The following MNAT1 variants were observed in gnomAD, a reference collection of about 807,000 sequenced individuals.
MNAT1 encodes MNAT1 component of CDK activating kinase.
In MNAT1, 43 loss-of-function variants were observed where a neutral mutation model predicts 42.0. The ratio of observed to expected loss-of-function variants is 1.02; its 90% CI spans 0.80 to 1.32. The LOEUF (loss-of-function observed/expected upper bound fraction) is 1.32, where lower values mean the gene tolerates loss of function less well. Ranked by LOEUF, MNAT1 falls within the 40% of genes most tolerant of loss-of-function variation. The pLI, the probability that MNAT1 is intolerant of heterozygous loss-of-function variation, is 0.00. For synonymous variants in MNAT1, 118 were observed against 120.0 expected, an observed-to-expected ratio of 0.98 and a Z score of 0.11; for missense variants, 306 against 350.4, an observed-to-expected ratio of 0.87 and a Z score of 1.01.
At chr14:60,807,031 A>C (rs773246853) in intron 3 of MNAT1, among the ~76,000 whole-genome samples, 23 of 152,132 alleles carry the variant, frequency 1.5e-4, no homozygotes, top group Non-Finnish European at 3.1e-4. Flanking sequence ...AAAACTGGAG[A>C]AGTTGCTAGA....
chr14:60,945,294 T>A (rs1317789425), intron 7 of MNAT1, among the ~76,000 whole-genome samples: 1 of 152,128 alleles, frequency 6.6e-6, no homozygotes, highest in Non-Finnish European at 1.5e-5. Flanking sequence ...GTCATGATAA[T>A]CTTTTTATTA....
chr14:60,887,696 G>A (rs1360588852), intron 7 of MNAT1, among the ~76,000 whole-genome samples: 13 of 151,714 alleles, frequency 8.6e-5, no homozygotes, highest in African/African-American at 9.7e-5. Context: ...TTGATAGACC[G>A]CTAGCAAGAC....
At chr14:60,755,215 C>G (rs1019240183) in intron 1 of MNAT1, among the ~76,000 whole-genome samples, 1 of 152,060 alleles carries the variant, frequency 6.6e-6, no homozygotes, top group Non-Finnish European at 1.5e-5. Flanking sequence ...GTGATCTCAG[C>G]TCACTGCAAC....
At chr14:60,967,724 A>G (rs939911932) in intron 7 of MNAT1, among the ~76,000 whole-genome samples, 1 of 152,250 alleles carries the variant, frequency 6.6e-6, no homozygotes, top group Non-Finnish European at 1.5e-5. Context: ...GGAATGAGAC[A>G]ATATATTCTT....
At chr14:60,741,995 T>G (rs964400622) in intron 1 of MNAT1, among the ~76,000 whole-genome samples, 1 of 152,118 alleles carries the variant, frequency 6.6e-6, no homozygotes, top group Non-Finnish European at 1.5e-5. Context: ...TTTTTGTTGT[T>G]CTTTTGCTCC....
intron 6 of MNAT1, among the ~76,000 whole-genome samples, chr14:60,858,484 A>G (rs542684835): frequency 3.6e-4 from 55 of 151,338 alleles, no homozygotes; most frequent in South Asian, 3.1e-3. Context: ...CCTTTGTCAG[A>G]TGGATAGATT....
At chr14:60,849,385 A>G (rs1393327502) in intron 6 of MNAT1, among the ~76,000 whole-genome samples, 1 of 152,228 alleles carries the variant, frequency 6.6e-6, no homozygotes, top group Non-Finnish European at 1.5e-5. Context: ...GCAATAAATG[A>G]TAGATATTCA....
At chr14:60,942,096 C>T (rs1041281286) in intron 7 of MNAT1, among the ~76,000 whole-genome samples, 1 of 149,226 alleles carries the variant, frequency 6.7e-6, no homozygotes, top group African/African-American at 2.5e-5. Context: ...TCTTCTTTTC[C>T]ACACTCCACT....
At chr14:60,854,294 A>C (rs528185588) in intron 6 of MNAT1, among the ~76,000 whole-genome samples, 1 of 152,140 alleles carries the variant, frequency 6.6e-6, no homozygotes, top group Admixed American at 6.5e-5. Flanking sequence ...TCTGAAGCCT[A>C]CTTCTGTCAG....
At chr14:60,869,040 A>ATATATATATATATTTTTTT (rs1465360826) in intron 6 of MNAT1, among the ~76,000 whole-genome samples, 2 of 113,054 alleles carry the variant, frequency 1.8e-5, no homozygotes, top group African/African-American at 6.8e-5. Context: ...ATATATATAT[A>ATATATATATATATTTTTTT]TTTTTTTTTT....
At chr14:60,756,642 A>T (rs1245635909) in intron 1 of MNAT1, among the ~76,000 whole-genome samples, 1 of 152,198 alleles carries the variant, frequency 6.6e-6, no homozygotes, top group African/African-American at 2.4e-5. Context: ...GCAAGTATAA[A>T]GTTTTAGTGT....
chr14:60,881,884 G>T (rs1046865244), intron 7 of MNAT1, among the ~76,000 whole-genome samples: 44 of 152,082 alleles, frequency 2.9e-4, no homozygotes, highest in African/African-American at 1.0e-3. Flanking sequence ...TCTTGGCCAG[G>T]CGCAGTGGCT....
rs541736614 is a variant in MNAT1 at position 60,788,177 on chromosome 14, T to C, written c.90-8040T>C. ...TGAATGGATGTTGTGTTAGCAGGCA[T>C]GAAAACAACATTCATGTCCTTGCAC... On this transcript the variant is annotated intron_variant, in intron 1 of 7. Transcript: ENST00000261245. 4.7e-4 allele frequency among the ~76,000 whole-genome samples: 71 copies of C among 152,294 alleles called. 1 individual carries two copies. In the Middle Eastern group the frequency reaches 0.02, roughly 44 times the overall value.
intron 1 of MNAT1, among the ~76,000 whole-genome samples, chr14:60,781,953 TTGTGTG>T (rs61229600): frequency 4.1e-5 from 6 of 146,016 alleles, no homozygotes; most frequent in African/African-American, 7.5e-5. Context: ...TGGATTTTGT[TTGTGTG>T]TGTGTGTGTG....
At chr14:60,790,223 A>C (rs1006588814) in intron 1 of MNAT1, among the ~76,000 whole-genome samples, 31 of 152,156 alleles carry the variant, frequency 2.0e-4, no homozygotes, top group Admixed American at 3.3e-4. Context: ...AGAGGACTGT[A>C]AAAGGGAAAT....
At chr14:60,804,795 A>G (rs1197164084) in intron 3 of MNAT1, among the ~76,000 whole-genome samples, 2 of 152,226 alleles carry the variant, frequency 1.3e-5, no homozygotes, top group African/African-American at 4.8e-5. Flanking sequence ...CAGAACTCAT[A>G]AAGTTTTTGA....
Position 60,769,243 on chromosome 14 carries a change from G to A in MNAT1, c.90-26974G>A, listed in dbSNP as rs547887092. Reference sequence around the variant, plus strand: ...ATTTAGTTGTGGATTCTATATAAGTGTATACATTATATATTTGTGTTCTTT... The same window carrying A: ...ATTTAGTTGTGGATTCTATATAAGTATATACATTATATATTTGTGTTCTTT... On this transcript the variant is annotated intron_variant, in intron 1 of 7. Coordinates refer to ENST00000261245, the MANE Select transcript of MNAT1 (RefSeq NM_002431.4). Among the ~76,000 whole-genome samples, 4 of 152,150 alleles carry A rather than the reference G, an allele frequency of 2.6e-5. No homozygotes were observed. The East Asian group carries it at 5.8e-4, about 22-fold the overall frequency.
intron 1 of MNAT1, among the ~76,000 whole-genome samples, chr14:60,750,496 C>A (rs1330918158): frequency 7.1e-6 from 1 of 141,102 alleles, no homozygotes; most frequent in South Asian, 2.2e-4. Flanking sequence ...TCCCAAAGTG[C>A]TGGGATTACA....
At chr14:60,966,988 T>C (rs1263940135) in intron 7 of MNAT1, among the ~76,000 whole-genome samples, 7 of 152,064 alleles carry the variant, frequency 4.6e-5, no homozygotes, top group Non-Finnish European at 1.0e-4. Flanking sequence ...ATCAAAAATG[T>C]TTTTGTTTTT....
Sources: allele counts gnomAD v4.1 joint callset (sites outside exome capture counted in the v4.1 genomes callset), GRCh38; gene constraint gnomAD v4.1.1; transcripts MANE v1.5; gene names NCBI Gene and HGNC (gene_info 2026-07-23, HGNC 2026-07-21).